LMOD1: variants seen among roughly 807,000 people sequenced by gnomAD.
LMOD1 encodes the protein leiomodin 1.
In LMOD1, 8 loss-of-function variants were observed where a neutral mutation model predicts 36.5. The observed-to-expected ratio is 0.22, with a 90% CI of 0.13 to 0.40. LMOD1 has a LOEUF of 0.40. Ranked by LOEUF, LMOD1 falls within the 10% of genes least tolerant of loss-of-function variation. The pLI, the probability that LMOD1 is intolerant of heterozygous loss-of-function variation, is 1.00. For missense variants in LMOD1, 630 were observed against 751.1 expected, an observed-to-expected ratio of 0.84 and a Z score of 1.88; for synonymous variants, 284 against 288.7, an observed-to-expected ratio of 0.98 and a Z score of 0.17.
rs552529998 is a variant in LMOD1 at position 201,927,862 on chromosome 1, T to C, written c.261+18218A>G. On this transcript the variant is annotated intron_variant, in intron 1 of 2. Transcript: ENST00000367288. ...TTCAGAATGGGACCAGCTAGAATCTTTGGGAGTGCTGTGTTTGGAATGTGT... is the reference window on the plus strand; with the variant it reads ...TTCAGAATGGGACCAGCTAGAATCTCTGGGAGTGCTGTGTTTGGAATGTGT... 1.4e-4 allele frequency among the ~76,000 whole-genome samples: 22 copies of C among 152,298 alleles called. No homozygotes were observed. The East Asian group carries it at 3.1e-3, about 21-fold the overall frequency.
chr1:201,937,484 A>G (rs945954308), intron 1 of LMOD1, among the ~76,000 whole-genome samples: 3 of 151,086 alleles, frequency 2.0e-5, no homozygotes, highest in Non-Finnish European at 3.0e-5. Flanking sequence ...CAAAAAAACA[A>G]AAAACACAGT....
At chr1:201,938,624 C>T (rs1682061002) in intron 1 of LMOD1, among the ~76,000 whole-genome samples, 1 of 152,168 alleles carries the variant, frequency 6.6e-6, no homozygotes, top group African/African-American at 2.4e-5. Flanking sequence ...GGATGTAGCA[C>T]CTTTCACCTG....
intron 1 of LMOD1, among the ~76,000 whole-genome samples, chr1:201,924,666 AAAGAAAG>A (rs1558240448): frequency 8.6e-4 from 3 of 3,498 alleles, no homozygotes; most frequent in South Asian, 0.015. Context: ...GAAAGAAAAA[AAAGAAAG>A]AAAGAAAGAA....
intron 1 of LMOD1, among the ~76,000 whole-genome samples, chr1:201,944,516 G>A (rs1318812906): frequency 6.6e-6 from 1 of 152,152 alleles, no homozygotes; most frequent in East Asian, 1.9e-4. Flanking sequence ...ATTTCTTTCT[G>A]TATGATTCCT....
At position 201,942,470 on chromosome 1, in the gene LMOD1, G is replaced by A. The variant is rs1682134021; in HGVS notation, c.261+3610C>T. 2.6e-5 allele frequency among the ~76,000 whole-genome samples: 4 copies of A among 152,276 alleles called. 1 individual carries two copies. The South Asian group carries it at 8.3e-4, about 32-fold the overall frequency. On this transcript the variant is annotated intron_variant, in intron 1 of 2. Coordinates refer to ENST00000367288, the MANE Select transcript of LMOD1 (RefSeq NM_012134.3). ...GCAAGGGTGGAATATTCATGAAAAA[G>A]ATGGTAAACAATCAGGAGGATCTCT...
Position 201,933,338 on chromosome 1 carries a change from C to T in LMOD1, c.261+12742G>A, listed in dbSNP as rs1456750769. On this transcript the variant is annotated intron_variant, in intron 1 of 2. Coordinates refer to ENST00000367288, the MANE Select transcript of LMOD1 (RefSeq NM_012134.3). ...CTGAGGCAGGAGAATCGCGTGAACC[C>T]GGAAGGTGGAGGTTGCAGTGAGCCA... 5.3e-5 allele frequency among the ~76,000 whole-genome samples: 8 copies of T among 150,788 alleles called. No homozygotes were observed. In the South Asian group the frequency reaches 6.3e-4, roughly 12 times the overall value.
In LMOD1 at chr1:201,900,223, T is replaced by C; in HGVS notation, c.790A>G (p.Thr264Ala). The stretch of plus-strand genomic sequence containing the variant: ...TTGACTTTTTCATCGTCCTTTTTGG[T>C]GTCTGTGTTCCCAGTTCCTCTTTTT... The part of the protein sequence containing the change: ...KVKRGTGNTD[T>A]KKDDEKVKKN... Residue 264 changes from threonine (T) to alanine (A), a missense_variant, in exon 2 of 3, where the codon ACC becomes GCC. Coordinates refer to ENST00000367288, the MANE Select transcript of LMOD1 (RefSeq NM_012134.3). 1 of 1,613,990 alleles carries C rather than the reference T, an allele frequency of 6.2e-7. No individual in the cohort carries two copies. The highest frequency in any genetic ancestry group is 8.5e-7 in the Non-Finnish European group (1 of 1,179,876).
chr1:201,909,581 C>CTGGCA (rs145072254), intron 1 of LMOD1, among the ~76,000 whole-genome samples: 6,176 of 152,260 alleles, frequency 0.041, 139 homozygotes, highest in Middle Eastern at 0.11. Flanking sequence ...GTCCCCATCC[C>CTGGCA]TGGTCGCCAG....
chr1:201,900,436 C>A lies in LMOD1; in HGVS notation c.577G>T (p.Gly193Trp). ...CTCAAGCCTGTGTTCCTGTCACTCCCTTTCTTCTCCTCTTCCTTCTTGGTG... is the reference window on the plus strand; with the variant it reads ...CTCAAGCCTGTGTTCCTGTCACTCCATTTCTTCTCCTCTTCCTTCTTGGTG... ...VATKKEEEKK[G>W]SDRNTGLSRD... Residue 193 changes from glycine to tryptophan, a missense_variant, in exon 2 of 3, where the codon GGG (glycine) becomes TGG (tryptophan). Gly to Trp is a radical substitution (Grantham distance 184). This residue lies in a region of LMOD1 where 405 missense variants were observed against 400.6 expected (regional missense o/e 1.01). Coordinates refer to ENST00000367288, the MANE Select transcript of LMOD1 (RefSeq NM_012134.3). The A allele has an allele frequency of 6.3e-7, 1 of 1,592,170 alleles. No individual in the cohort carries two copies. The highest frequency in any genetic ancestry group is 2.3e-5 in the East Asian group (1 of 43,676).
chr1:201,915,451 A>G (rs555478590), intron 1 of LMOD1, among the ~76,000 whole-genome samples: 10 of 152,210 alleles, frequency 6.6e-5, no homozygotes, highest in Admixed American at 5.9e-4. Context: ...AAAGTACCTC[A>G]AAAACTGGAC....
chr1:201,904,856 T>G (rs980336916), intron 1 of LMOD1, among the ~76,000 whole-genome samples: 1 of 152,222 alleles, frequency 6.6e-6, no homozygotes, highest in African/African-American at 2.4e-5. Flanking sequence ...CTGGGATTTC[T>G]GTTGAGCTGA....
intron 1 of LMOD1, among the ~76,000 whole-genome samples, chr1:201,936,713 G>A (rs1682026555): frequency 6.6e-6 from 1 of 152,106 alleles, no homozygotes; most frequent in Non-Finnish European, 1.5e-5. Flanking sequence ...GAGGCTGGTG[G>A]ATCACTCAAA....
At chr1:201,929,800 C>A (rs1421070688) in intron 1 of LMOD1, among the ~76,000 whole-genome samples, 2 of 152,148 alleles carry the variant, frequency 1.3e-5, no homozygotes, top group Admixed American at 1.3e-4. Context: ...TCAGCCCTCA[C>A]CCTTAAGAAG....
At chr1:201,933,938 T>C (rs1469932402) in intron 1 of LMOD1, among the ~76,000 whole-genome samples, 1 of 152,188 alleles carries the variant, frequency 6.6e-6, no homozygotes, top group East Asian at 1.9e-4. Context: ...AAGTTGGGAA[T>C]TAGCCCCAGG....
chr1:201,915,687 A>C (rs2820324), intron 1 of LMOD1, among the ~76,000 whole-genome samples: 151,257 of 152,204 alleles, frequency 0.99, 75,163 homozygotes, highest in East Asian at 1. Context: ...TCGACCTATT[A>C]TATACTCCCT....
At chr1:201,936,732 T>A (rs905231792) in intron 1 of LMOD1, among the ~76,000 whole-genome samples, 1 of 151,914 alleles carries the variant, frequency 6.6e-6, no homozygotes, top group Non-Finnish European at 1.5e-5. Context: ...AAGTCAGGAG[T>A]TCGAGACCAG....
chr1:201,912,930 G>A (rs1395472654), intron 1 of LMOD1, among the ~76,000 whole-genome samples: 1 of 152,148 alleles, frequency 6.6e-6, no homozygotes, highest in Non-Finnish European at 1.5e-5. Context: ...AGGACACCAG[G>A]GTGTTTGGTT....
At position 201,935,715 on chromosome 1, in the gene LMOD1, C is replaced by T. The variant is rs368161863; in HGVS notation, c.261+10365G>A. On this transcript the variant is annotated intron_variant, in intron 1 of 2. Coordinates refer to ENST00000367288, the MANE Select transcript of LMOD1 (RefSeq NM_012134.3). Reference sequence around the variant, plus strand: ...GGGATTACAGGTGCCCACCACCACGCCCAGCTAATTTTTGTATTTTTAGTA... The same window carrying T: ...GGGATTACAGGTGCCCACCACCACGTCCAGCTAATTTTTGTATTTTTAGTA... Among the ~76,000 whole-genome samples, 347 of 151,898 alleles carry T rather than the reference C, an allele frequency of 2.3e-3. 1 individual carries two copies. Among genetic ancestry groups the T allele is most frequent in the African/African-American group, 8.1e-3 (336 of 41,478 alleles).
At chr1:201,937,818 T>A (rs913041044) in intron 1 of LMOD1, among the ~76,000 whole-genome samples, 4 of 152,184 alleles carry the variant, frequency 2.6e-5, no homozygotes. Flanking sequence ...AAGAACCTTG[T>A]CTCTCTTGTT....
Sources: allele counts gnomAD v4.1 joint callset (sites outside exome capture counted in the v4.1 genomes callset), GRCh38; gene constraint gnomAD v4.1.1; regional missense constraint gnomAD v4.1.1; transcripts MANE v1.5; gene names NCBI Gene and HGNC (gene_info 2026-07-23, HGNC 2026-07-21).